SEMA6D: variants seen among roughly 807,000 people sequenced by gnomAD.
SEMA6D encodes the protein semaphorin 6D.
In SEMA6D, 35 loss-of-function variants were observed where a neutral mutation model predicts 106.6. The ratio of observed to expected loss-of-function variants is 0.33; its 90% CI spans 0.25 to 0.44. The LOEUF (loss-of-function observed/expected upper bound fraction) is 0.44. Among genes scored for constraint, SEMA6D ranks in the 20% least tolerant of loss-of-function variants. SEMA6D has a pLI of 1.00. For synonymous variants in SEMA6D, 499 were observed against 487.7 expected (o/e 1.02, Z -0.31); for missense variants, 1,185 against 1,345.9 (o/e 0.88, Z 1.87).
intron 1 of SEMA6D, among the ~76,000 whole-genome samples, chr15:47,348,727 C>CAGAGAGAG (rs55719976): frequency 0.11 from 6,407 of 56,566 alleles, 822 homozygotes; most frequent in Non-Finnish European, 0.17. Context: ...ACCACACACA[C>CAGAGAGAG]AGAGAGAGAG....
intron 3 of SEMA6D, among the ~76,000 whole-genome samples, chr15:47,539,353 G>A (rs2045281207): frequency 6.6e-6 from 1 of 151,632 alleles, no homozygotes; most frequent in Non-Finnish European, 1.5e-5. Flanking sequence ...TTATATTAAT[G>A]CAATTTTAAA....
Position 47,615,698 on chromosome 15 carries a change from G to A in SEMA6D, c.-55+14802G>A, listed in dbSNP as rs548235868. 1.7e-4 allele frequency among the ~76,000 whole-genome samples: 26 copies of A among 152,244 alleles called. No individual in the cohort carries two copies. In the South Asian group the frequency reaches 5.4e-3, roughly 32 times the overall value. ...TTTATTACCACATCAGTCCAAATGA[G>A]TATAATAAAAGGAGAGAAAAGTGTG... On this transcript the variant is annotated intron_variant, in intron 4 of 19. Coordinates refer to the SEMA6D transcript ENST00000558014.
chr15:47,270,955 T>C (rs2034533301), intron 1 of SEMA6D, among the ~76,000 whole-genome samples: 1 of 151,878 alleles, frequency 6.6e-6, no homozygotes, highest in Non-Finnish European at 1.5e-5. Flanking sequence ...AAAAAAAAAA[T>C]ATAGATATAA....
At chr15:47,388,336 A>G (rs1287981264) in intron 1 of SEMA6D, among the ~76,000 whole-genome samples, 2 of 152,092 alleles carry the variant, frequency 1.3e-5, no homozygotes, top group Non-Finnish European at 2.9e-5. Flanking sequence ...CCACAGTTTC[A>G]GTTACCTACA....
At chr15:47,463,828 G>C (rs1443251599) in intron 2 of SEMA6D, among the ~76,000 whole-genome samples, 9 of 152,154 alleles carry the variant, frequency 5.9e-5, no homozygotes, top group African/African-American at 2.2e-4. Context: ...GCTTTAGGGA[G>C]AACCCATTCC....
At chr15:47,724,633 G>A (rs568710627) in intron 1 of SEMA6D, among the ~76,000 whole-genome samples, 1 of 151,942 alleles carries the variant, frequency 6.6e-6, no homozygotes, top group Admixed American at 6.6e-5. Context: ...TTAGGCAAAA[G>A]CCCAGGGGTG....
At chr15:47,413,906 T>C (rs1218054012) in intron 2 of SEMA6D, among the ~76,000 whole-genome samples, 5 of 152,230 alleles carry the variant, frequency 3.3e-5, no homozygotes, top group East Asian at 3.8e-4. Context: ...ATACTGACCA[T>C]GGCCTTACAT....
In SEMA6D at chr15:47,766,627, A is replaced by T. The variant is rs1309746808; in HGVS notation, c.1658A>T (p.Tyr553Phe). 1 of 1,612,934 alleles carries T rather than the reference A, an allele frequency of 6.2e-7. No individual in the cohort carries two copies. The highest frequency in any genetic ancestry group is 1.3e-5 in the African/African-American group (1 of 74,862). The change falls in exon 16 of 19, where the codon TAT becomes TTT. Residue 553 changes from tyrosine (Y) to phenylalanine (F), a missense_variant. By Grantham distance (22) the Tyr-to-Phe change is conservative (BLOSUM62 3). Around this residue, in one of 3 missense-constraint regions of SEMA6D, gnomAD observed 750 missense variants for 783.5 expected, o/e 0.96. Transcript: ENST00000536845. The part of the protein sequence containing the change: ...RVTPGMLAEG[Y>F]EQDTEFGNTA... ...TTCCATAACCACAGTGCTGAAGGAT[A>T]TGAACAAGACACAGAATTCGGCAAC...
chr15:47,722,750 T>C (rs979519949), intron 1 of SEMA6D, among the ~76,000 whole-genome samples: 3 of 152,188 alleles, frequency 2.0e-5, no homozygotes, highest in African/African-American at 7.2e-5. Flanking sequence ...ATGGTGATGA[T>C]GATGGAGGCG....
intron 1 of SEMA6D, among the ~76,000 whole-genome samples, chr15:47,192,020 A>G (rs551773286): frequency 9.8e-5 from 15 of 152,306 alleles, no homozygotes; most frequent in African/African-American, 3.6e-4. Context: ...GCCTACATCC[A>G]TGAAGCTGAA....
intron 3 of SEMA6D, among the ~76,000 whole-genome samples, chr15:47,479,548 A>G (rs1218777255): frequency 6.6e-6 from 1 of 152,160 alleles, no homozygotes; most frequent in Non-Finnish European, 1.5e-5. Flanking sequence ...CAACTTTATG[A>G]GGTTGTCTTC....
At chr15:47,555,501 G>T (rs2045890574) in intron 3 of SEMA6D, among the ~76,000 whole-genome samples, 1 of 152,110 alleles carries the variant, frequency 6.6e-6, no homozygotes, top group Non-Finnish European at 1.5e-5. Flanking sequence ...CAAGTAATAT[G>T]AACTAAGTGA....
intron 3 of SEMA6D, among the ~76,000 whole-genome samples, chr15:47,471,356 A>T (rs1216851663): frequency 2.0e-5 from 3 of 152,104 alleles, no homozygotes; most frequent in African/African-American, 7.2e-5. Flanking sequence ...TCAAACTCCC[A>T]CTTTCCCCCC....
chr15:47,476,066 G>T (rs1359164346), intron 3 of SEMA6D, among the ~76,000 whole-genome samples: 2 of 152,158 alleles, frequency 1.3e-5, no homozygotes, highest in African/African-American at 4.8e-5. Flanking sequence ...GATCCTGAGG[G>T]AGACAGGAAC....
chr15:47,381,827 A>G (rs2039650111), intron 1 of SEMA6D, among the ~76,000 whole-genome samples: 1 of 152,154 alleles, frequency 6.6e-6, no homozygotes, highest in Non-Finnish European at 1.5e-5. Flanking sequence ...CTGAGGGGTG[A>G]CTAAGGAGTC....
rs567593839 is a variant in SEMA6D at position 47,512,796 on chromosome 15, A to G, written c.-87+42251A>G. 2.0e-5 allele frequency among the ~76,000 whole-genome samples: 3 copies of G among 152,336 alleles called. No homozygotes were observed. In the South Asian group the frequency reaches 6.2e-4, roughly 32 times the overall value. On this transcript the variant is annotated intron_variant, in intron 3 of 19. Transcript: ENST00000558014. ...ATACAGTCTGACAGAATTGGTGACTATGGTGATTTGCCTCTGAGTCAACTA... is the reference window on the plus strand; with the variant it reads ...ATACAGTCTGACAGAATTGGTGACTGTGGTGATTTGCCTCTGAGTCAACTA...
At chr15:47,675,078 G>C (rs1257036293) in intron 4 of SEMA6D, among the ~76,000 whole-genome samples, 3 of 152,182 alleles carry the variant, frequency 2.0e-5, no homozygotes, top group Non-Finnish European at 2.9e-5. Context: ...GAGTGACCTT[G>C]GTGTCATAAA....
intron 3 of SEMA6D, among the ~76,000 whole-genome samples, chr15:47,598,583 T>C (rs1437509856): frequency 6.6e-6 from 1 of 152,110 alleles, no homozygotes; most frequent in African/African-American, 2.4e-5. Context: ...ATTCCTACAT[T>C]AGTTCATCTC....
intron 1 of SEMA6D, among the ~76,000 whole-genome samples, chr15:47,329,989 ACT>A (rs576804209): frequency 5.9e-5 from 9 of 152,160 alleles, no homozygotes; most frequent in Non-Finnish European, 1.3e-4. Context: ...ACCGTGCTAA[ACT>A]GCTCATGCTG....
Sources: allele counts gnomAD v4.1 joint callset (sites outside exome capture counted in the v4.1 genomes callset), GRCh38; gene constraint gnomAD v4.1.1; regional missense constraint gnomAD v4.1.1; transcripts MANE v1.5; gene names NCBI Gene and HGNC (gene_info 2026-07-23, HGNC 2026-07-21).